The following HS1BP3 variants were observed in gnomAD, a reference collection of about 807,000 sequenced individuals.
The protein encoded by HS1BP3 is HCLS1 binding protein 3.
A neutral mutation model predicts 33.5 loss-of-function variants in HS1BP3; 32 were observed. That is an observed-to-expected ratio of 0.95 (90% CI 0.72 to 1.28). The LOEUF is 1.28. Ranked by LOEUF, HS1BP3 falls within the 50% of genes most tolerant of loss-of-function variation. The pLI is 0.00. For missense variants in HS1BP3, 486 were observed against 502.3 expected, an observed-to-expected ratio of 0.97 and a Z score of 0.31; for synonymous variants, 187 against 209.2, an observed-to-expected ratio of 0.89 and a Z score of 0.92.
intron 3 of HS1BP3, among the ~76,000 whole-genome samples, chr2:20,595,076 T>G (rs146794445): frequency 1.4e-3 from 216 of 152,208 alleles, no homozygotes; most frequent in African/African-American, 4.9e-3. Flanking sequence ...GAGGGAGACA[T>G]TCTTGTAGCC....
chr2:20,646,471 C>T (rs56180979), intron 1 of HS1BP3, among the ~76,000 whole-genome samples: 17,284 of 152,328 alleles, frequency 0.11, 1,070 homozygotes, highest in African/African-American at 0.15. Flanking sequence ...TCACATCCCA[C>T]GCTAGGCCAC....
chr2:20,650,688 GGGGAACTAGATTTTC>G (rs1352611072), intron 1 of HS1BP3, among the ~76,000 whole-genome samples: 4 of 152,228 alleles, frequency 2.6e-5, no homozygotes, highest in Non-Finnish European at 5.9e-5. Flanking sequence ...CTGAAAGGAT[GGGGAACTAGATTTTC>G]GGGCTCAAAA....
At position 20,644,152 on chromosome 2, in the gene HS1BP3, G is replaced by T. The variant is rs1278541748; in HGVS notation, c.198+1188C>A. ...TGTGTCTCTTGGTCTCCAGCTGCAG[G>T]TCCTTTTCACAAGAGGCCAAATGGT... is the stretch of plus-strand genomic sequence containing the variant. On this transcript the variant is annotated intron_variant, in intron 2 of 6. Transcript: ENST00000304031. 2.6e-5 allele frequency among the ~76,000 whole-genome samples: 4 copies of T among 152,220 alleles called. 1 individual carries two copies. The South Asian group carries it at 8.3e-4, about 32-fold the overall frequency.
At chr2:20,645,309 C>G in intron 2 of HS1BP3, 31 bp downstream of exon 2, 1 of 1,601,030 alleles carries the variant, frequency 6.2e-7, no homozygotes, top group South Asian at 1.1e-5. Context: ...CGGGCACCCT[C>G]GAAACATCCT....
At chr2:20,560,232 G>A (rs542106654), downstream of HS1BP3, among the ~76,000 whole-genome samples, 17 of 152,342 alleles carry the variant, frequency 1.1e-4, no homozygotes, top group South Asian at 3.5e-3. Context: ...GAAGGTACAT[G>A]TCCCAGGGCT....
chr2:20,555,838 G>C (rs766409855), downstream of HS1BP3, among the ~76,000 whole-genome samples: 3 of 152,052 alleles, frequency 2.0e-5, no homozygotes, highest in Non-Finnish European at 2.9e-5. Context: ...GAAACTCCCA[G>C]ACACACCCAC....
At chr2:20,579,983 T>A (rs1433957894) in intron 5 of HS1BP3, among the ~76,000 whole-genome samples, 1 of 152,248 alleles carries the variant, frequency 6.6e-6, no homozygotes, top group Non-Finnish European at 1.5e-5. Flanking sequence ...TGAAAATGTT[T>A]TGTTTGTGGA....
At chr2:20,593,823 C>A (rs1285314449) in intron 3 of HS1BP3, among the ~76,000 whole-genome samples, 3 of 152,168 alleles carry the variant, frequency 2.0e-5, no homozygotes, top group Non-Finnish European at 4.4e-5. Flanking sequence ...AGAGTGGGTC[C>A]TTTTGATGCA....
At chr2:20,591,360 G>C (rs1693809277), downstream of HS1BP3, 1 of 163,670 alleles carries the variant, frequency 6.1e-6, no homozygotes, top group South Asian at 2.1e-4. Flanking sequence ...ACAGGATTGA[G>C]TCTTGCTTGA....
Position 20,638,614 on chromosome 2 carries a change from C to T in HS1BP3, c.445G>A (p.Asp149Asn), listed in dbSNP as rs775806493. Residue 149 changes from aspartate (D) to asparagine (N), a missense_variant, in exon 4 of 7, where the codon GAT becomes AAT. Physicochemically the swap from Asp to Asn is conservative, Grantham distance 23. Coordinates refer to ENST00000304031, the MANE Select transcript of HS1BP3 (RefSeq NM_022460.4). ...SPGAAGLTSR[D>N]SSVLDGTDSQ... is the part of the protein sequence containing the mutation. ...TCTGTGCCATCCAGGACAGAGGAATCTCTGCTGGTGAGCCCTGCAGCCCCT... is the reference window on the plus strand; with the variant it reads ...TCTGTGCCATCCAGGACAGAGGAATTTCTGCTGGTGAGCCCTGCAGCCCCT... 6.2e-7 allele frequency: 1 copy of T among 1,614,208 alleles called. No individual in the cohort carries two copies. The highest frequency in any genetic ancestry group is 2.2e-5 in the East Asian group (1 of 44,866).
intron 2 of HS1BP3, among the ~76,000 whole-genome samples, chr2:20,598,892 A>G (rs997344889): frequency 1.3e-5 from 2 of 152,118 alleles, no homozygotes; most frequent in African/African-American, 2.4e-5. Context: ...GGCTCTTTAT[A>G]TTCTTCTTGT....
chr2:20,561,712 T>A (rs1693002109), intron 5 of HS1BP3, among the ~76,000 whole-genome samples: 1 of 152,208 alleles, frequency 6.6e-6, no homozygotes, highest in African/African-American at 2.4e-5. Flanking sequence ...TGTGATGTAA[T>A]AAGAAATATA....
chr2:20,565,915 A>C (rs1693115112), intron 5 of HS1BP3, among the ~76,000 whole-genome samples: 1 of 152,248 alleles, frequency 6.6e-6, no homozygotes, highest in Non-Finnish European at 1.5e-5. Context: ...GCTTCCATGG[A>C]AAAAGAACAG....
downstream of HS1BP3, among the ~76,000 whole-genome samples, chr2:20,614,667 T>C (rs1239524788): frequency 6.6e-6 from 1 of 152,164 alleles, no homozygotes; most frequent in African/African-American, 2.4e-5. Context: ...ACAAACGACA[T>C]GATTGGCCAG....
the HS1BP3 span, among the ~76,000 whole-genome samples, chr2:20,554,812 T>G: frequency 0.97 from 148,141 of 152,188 alleles, 72,219 homozygotes; most frequent in Non-Finnish European, 1. Flanking sequence ...ACCTCTATCC[T>G]TTGGCTACAT....
intron 5 of HS1BP3, among the ~76,000 whole-genome samples, chr2:20,584,800 T>C (rs60759855): frequency 0.078 from 11,827 of 152,142 alleles, 638 homozygotes; most frequent in African/African-American, 0.15. Context: ...TCTGTTCACT[T>C]TGGGTTTGGA....
chr2:20,564,706 A>G (rs755201127), intron 5 of HS1BP3, among the ~76,000 whole-genome samples: 5 of 151,664 alleles, frequency 3.3e-5, no homozygotes, highest in Non-Finnish European at 5.9e-5. Context: ...CTGGTCTCGA[A>G]CTCCTGATCT....
At chr2:20,592,075 T>G (rs2149279425), downstream of HS1BP3, among the ~76,000 whole-genome samples, 1 of 152,120 alleles carries the variant, frequency 6.6e-6, no homozygotes, top group African/African-American at 2.4e-5. Flanking sequence ...TAGGCTGGGG[T>G]GAAGGTTTCC....
downstream of HS1BP3, among the ~76,000 whole-genome samples, chr2:20,557,047 TCAAA>T (rs3077731): frequency 0.14 from 21,091 of 152,148 alleles, 1,593 homozygotes; most frequent in South Asian, 0.25. Flanking sequence ...TAATATGTCC[TCAAA>T]CAATCTTTGT....
Sources: gnomAD v4.1 joint callset for allele counts (sites outside exome capture counted in the v4.1 genomes callset) on GRCh38, gnomAD v4.1.1 for gene constraint, MANE v1.5 for transcripts, NCBI Gene and HGNC (gene_info 2026-07-23, HGNC 2026-07-21) for gene names.